The following GPC6 variants were observed in gnomAD, a reference collection of about 807,000 sequenced individuals.
GPC6 encodes the protein glypican-6.
Under a neutral mutation model 55.2 loss-of-function variants are expected in GPC6, and 14 were observed. That is an observed-to-expected ratio of 0.25 (90% CI 0.17 to 0.40). GPC6 has a LOEUF of 0.40. Ranked by LOEUF, GPC6 falls within the 10% of genes least tolerant of loss-of-function variation. The pLI, the probability that GPC6 is intolerant of heterozygous loss-of-function variation, is 1.00. For missense variants in GPC6, 641 were observed against 708.5 expected (o/e 0.90, Z 1.08); for synonymous variants, 278 against 259.6 (o/e 1.07, Z -0.68).
At chr13:93,869,843 G>A (rs1889074480) in intron 3 of GPC6, among the ~76,000 whole-genome samples, 1 of 151,614 alleles carries the variant, frequency 6.6e-6, no homozygotes, top group Admixed American at 6.6e-5. Flanking sequence ...ACGGAGGAAT[G>A]AAAGAGATAA....
chr13:93,354,632 G>C (rs1880777133), intron 1 of GPC6, among the ~76,000 whole-genome samples: 1 of 151,406 alleles, frequency 6.6e-6, no homozygotes, highest in African/African-American at 2.4e-5. Context: ...CCAAAGTGCT[G>C]GGATTATAGG....
At chr13:94,163,421 G>T (rs537781278) in intron 4 of GPC6, among the ~76,000 whole-genome samples, 23 of 151,672 alleles carry the variant, frequency 1.5e-4, no homozygotes, top group African/African-American at 5.1e-4. Context: ...TCTCATGTAT[G>T]TATCTCCAAG....
intron 3 of GPC6, among the ~76,000 whole-genome samples, chr13:94,005,803 C>T (rs557892735): frequency 6.6e-6 from 1 of 152,198 alleles, no homozygotes; most frequent in East Asian, 1.9e-4. Context: ...TCTTCTGATG[C>T]CATTTTCTCA....
intron 4 of GPC6, among the ~76,000 whole-genome samples, chr13:94,282,362 G>A (rs1305017242): frequency 1.3e-5 from 2 of 152,108 alleles, no homozygotes; most frequent in Admixed American, 1.3e-4. Flanking sequence ...GGGAGGAAAA[G>A]CCCCTTATAA....
At chr13:94,090,684 AC>A (rs1198684328) in intron 4 of GPC6, among the ~76,000 whole-genome samples, 2 of 7,126 alleles carry the variant, frequency 2.8e-4, no homozygotes, top group Non-Finnish European at 1.0e-3. Context: ...ATTACTTAAT[AC>A]TTACATCAAC....
chr13:93,544,190 ATGTACT>A (rs760250860), intron 1 of GPC6, among the ~76,000 whole-genome samples: 61 of 152,274 alleles, frequency 4.0e-4, no homozygotes, highest in Middle Eastern at 3.4e-3. Context: ...TAACGTTAAT[ATGTACT>A]TGTAAACTTT....
intron 4 of GPC6, among the ~76,000 whole-genome samples, chr13:94,094,862 G>A (rs954755541): frequency 8.6e-5 from 13 of 151,870 alleles, no homozygotes; most frequent in Non-Finnish European, 1.6e-4. Flanking sequence ...GCTAAATTTA[G>A]CAAATAAAAT....
At chr13:94,348,492 T>C (rs922924404) in intron 6 of GPC6, among the ~76,000 whole-genome samples, 8 of 152,340 alleles carry the variant, frequency 5.3e-5, no homozygotes, top group African/African-American at 1.9e-4. Flanking sequence ...TGCTGCTAGT[T>C]TCCTCGAGTG....
At chr13:93,667,325 G>T (rs367745207) in intron 2 of GPC6, among the ~76,000 whole-genome samples, 1 of 151,920 alleles carries the variant, frequency 6.6e-6, no homozygotes, top group South Asian at 2.1e-4. Flanking sequence ...AATTCCAGAC[G>T]ATGTAAATCA....
At chr13:93,497,689 C>G (rs1478144449) in intron 1 of GPC6, among the ~76,000 whole-genome samples, 2 of 152,184 alleles carry the variant, frequency 1.3e-5, no homozygotes, top group Non-Finnish European at 2.9e-5. Context: ...TTAAATTATT[C>G]AAGTTAAAAT....
Position 94,284,456 on chromosome 13 carries a change from G to GTT in GPC6, c.878-1884_878-1883dup, listed in dbSNP as rs113507279. The stretch of plus-strand genomic sequence containing the variant: ...TATTATATCATATGAATACATGTAT[G>GTT]TTTTTTTTTTAATTTTTTTCTACTT... On this transcript the variant is annotated intron_variant, in intron 4 of 8. Transcript: ENST00000377047. Among the ~76,000 whole-genome samples, 142 of 149,818 alleles carry GTT rather than the reference G, an allele frequency of 9.5e-4. No homozygotes were observed. In the East Asian group the frequency reaches 0.014, roughly 15 times the overall value.
chr13:94,358,312 A>T (rs1423935517), intron 6 of GPC6, among the ~76,000 whole-genome samples: 1 of 151,934 alleles, frequency 6.6e-6, no homozygotes, highest in Non-Finnish European at 1.5e-5. Context: ...GAAAAAGGAA[A>T]AAAAGAAAAA....
chr13:93,496,305 C>A (rs1231400586), intron 1 of GPC6, among the ~76,000 whole-genome samples: 1 of 152,178 alleles, frequency 6.6e-6, no homozygotes, highest in Non-Finnish European at 1.5e-5. Context: ...GTCCCTCACC[C>A]CTTTCTTTGA....
intron 1 of GPC6, among the ~76,000 whole-genome samples, chr13:93,228,685 A>G (rs1875906780): frequency 6.6e-6 from 1 of 152,142 alleles, no homozygotes; most frequent in Non-Finnish European, 1.5e-5. Flanking sequence ...GGAGGCCAGG[A>G]GATGCTGCGA....
At chr13:93,371,891 A>G (rs921628181) in intron 1 of GPC6, among the ~76,000 whole-genome samples, 3 of 152,188 alleles carry the variant, frequency 2.0e-5, no homozygotes, top group African/African-American at 4.8e-5. Context: ...AGCCTTATCC[A>G]TATTAAACCA....
chr13:93,580,776 T>C (rs1876897312), intron 2 of GPC6, among the ~76,000 whole-genome samples: 1 of 152,184 alleles, frequency 6.6e-6, no homozygotes, highest in Non-Finnish European at 1.5e-5. Flanking sequence ...ATGTAAATCA[T>C]ATTTAATCTC....
At chr13:93,910,061 TTGTGTGTG>T (rs113288409) in intron 3 of GPC6, among the ~76,000 whole-genome samples, 43 of 150,140 alleles carry the variant, frequency 2.9e-4, no homozygotes, top group African/African-American at 1.0e-3. Flanking sequence ...GCTCGTGTGT[TTGTGTGTG>T]TGTGTGTGTG....
intron 6 of GPC6, among the ~76,000 whole-genome samples, chr13:94,367,575 G>A (rs904835881): frequency 1.3e-5 from 2 of 152,138 alleles, no homozygotes; most frequent in African/African-American, 4.8e-5. Context: ...ATCCCAATTT[G>A]AGGACCAGGA....
chr13:93,727,507 T>C (rs1354202851), intron 2 of GPC6, among the ~76,000 whole-genome samples: 2 of 151,660 alleles, frequency 1.3e-5, no homozygotes, highest in South Asian at 2.1e-4. Flanking sequence ...CCGTGGTTTA[T>C]GTTTTATAAA....
Sources: allele counts gnomAD v4.1 joint callset (sites outside exome capture counted in the v4.1 genomes callset), GRCh38; gene constraint gnomAD v4.1.1; transcripts MANE v1.5; gene names NCBI Gene and HGNC (gene_info 2026-07-23, HGNC 2026-07-21).